HDAC4: variants seen among roughly 807,000 people sequenced by gnomAD.
HDAC4 encodes the protein histone deacetylase 4.
A neutral mutation model predicts 135.1 loss-of-function variants in HDAC4; 16 were observed. The ratio of observed to expected loss-of-function variants is 0.12; its 90% CI spans 0.08 to 0.18. The LOEUF (loss-of-function observed/expected upper bound fraction) is 0.18. Ranked by LOEUF, HDAC4 falls within the 10% of genes least tolerant of loss-of-function variation. The pLI, the probability that HDAC4 is intolerant of heterozygous loss-of-function variation, is 1.00. For missense variants in HDAC4, 1,143 were observed against 1,511.8 expected, an observed-to-expected ratio of 0.76 and a Z score of 4.05; for synonymous variants, 685 against 653.4, an observed-to-expected ratio of 1.05 and a Z score of -0.74.
chr2:239,117,232 T>C (rs1178856189), intron 12 of HDAC4, among the ~76,000 whole-genome samples: 2 of 152,148 alleles, frequency 1.3e-5, no homozygotes, highest in African/African-American at 2.4e-5. Flanking sequence ...GAGGTGGGGC[T>C]GTGGGAAGGG....
At position 239,307,425 on chromosome 2, in the gene HDAC4, C is replaced by A. The variant is rs546133079; in HGVS notation, c.22+45253G>T. ...GAGAGAGGGGCTTGAAGGATGGGTA[C>A]CCCAAGCTGTCAAAAGACCAAGTGG... On this transcript the variant is annotated intron_variant, in intron 2 of 26. Coordinates refer to ENST00000543185, the MANE Select transcript of HDAC4 (RefSeq NM_001378414.1). The surrounding 1 kb of genome is among the most constrained non-coding windows in gnomAD (Gnocchi z 4.8). Among the ~76,000 whole-genome samples, 14 of 152,226 alleles carry A rather than the reference C, an allele frequency of 9.2e-5. No homozygotes were observed. The East Asian group carries it at 2.5e-3, about 27-fold the overall frequency.
At chr2:239,159,691 AC>A (rs1413021268) in intron 6 of HDAC4, among the ~76,000 whole-genome samples, 1 of 150,892 alleles carries the variant, frequency 6.6e-6, no homozygotes, top group Admixed American at 6.6e-5. Flanking sequence ...ACTCACACTC[AC>A]CCCGGCCACA....
At chr2:239,234,850 C>T (rs754235037) in intron 3 of HDAC4, among the ~76,000 whole-genome samples, 2 of 152,126 alleles carry the variant, frequency 1.3e-5, no homozygotes, top group Non-Finnish European at 2.9e-5. Context: ...CACTTGGAAA[C>T]TATGCATATT....
rs959737949 is a variant in HDAC4, at chr2:239,349,509, C to A, written c.22+3169G>T. ...CAGGTGCATCAGCTGACAAGAAACACAGAGGAACTTCCCGAAACTAGAGAT... is the reference window on the plus strand; with the variant it reads ...CAGGTGCATCAGCTGACAAGAAACAAAGAGGAACTTCCCGAAACTAGAGAT... On this transcript the variant is annotated intron_variant, in intron 2 of 26. Transcript: ENST00000543185. This position sits in a 1 kb window ranked among gnomAD's most constrained non-coding sequence, Gnocchi z 5.7. Among the ~76,000 whole-genome samples the A allele has an allele frequency of 2.0e-5, 3 of 152,360 alleles. No individual in the cohort carries two copies. The East Asian group carries it at 5.8e-4, about 29-fold the overall frequency.
chr2:239,237,466 T>C (rs1182839390), intron 2 of HDAC4, among the ~76,000 whole-genome samples: 2 of 151,580 alleles, frequency 1.3e-5, no homozygotes, highest in African/African-American at 4.9e-5. Context: ...CACGCGGAGG[T>C]CATTTTCCTT....
intron 2 of HDAC4, among the ~76,000 whole-genome samples, chr2:239,278,687 T>C (rs2050532817): frequency 6.6e-6 from 1 of 152,130 alleles, no homozygotes; most frequent in Non-Finnish European, 1.5e-5. Flanking sequence ...ACAAAAAACA[T>C]GTTTTGTACC....
At chr2:239,360,794 G>A (rs1027912558) in intron 1 of HDAC4, among the ~76,000 whole-genome samples, 16 of 152,212 alleles carry the variant, frequency 1.1e-4, no homozygotes, top group Non-Finnish European at 2.2e-4. Context: ...CTCTCACCCT[G>A]GACCAGTTCC....
At chr2:239,264,566 C>G (rs903271548) in intron 2 of HDAC4, among the ~76,000 whole-genome samples, 39 of 152,222 alleles carry the variant, frequency 2.6e-4, no homozygotes, top group African/African-American at 8.2e-4. Context: ...AGCCGAGGCC[C>G]TCCTGATCCT....
chr2:239,272,731 C>T (rs2050124282), intron 2 of HDAC4, among the ~76,000 whole-genome samples: 1 of 152,226 alleles, frequency 6.6e-6, no homozygotes, highest in African/African-American at 2.4e-5. Context: ...CCAATGCACC[C>T]CTGCGCTGCT....
intron 12 of HDAC4, among the ~76,000 whole-genome samples, chr2:239,118,716 C>T (rs961885442): frequency 1.3e-5 from 2 of 152,178 alleles, no homozygotes; most frequent in Non-Finnish European, 2.9e-5. Flanking sequence ...GCTGTAAATA[C>T]ATGCGACTGT....
intron 12 of HDAC4, among the ~76,000 whole-genome samples, chr2:239,124,310 C>T (rs1209380421): frequency 2.6e-5 from 4 of 152,206 alleles, no homozygotes; most frequent in African/African-American, 9.6e-5. Context: ...CCCATCTGCC[C>T]GCAGCAGCCC....
chr2:239,134,339 C>T lies in HDAC4; in HGVS notation c.1200G>A (p.Ser400=), dbSNP rs149580896. The change falls in exon 11 of 27, where the codon TCG becomes TCA. Residue 400 remains serine (S), a synonymous_variant. Transcript: ENST00000543185. ...GTHLTPYLST[S]PLERDGGAAH... ...CTGCCCCTCCGTCCCGCTCCAAGGGCGAGGTGCTCAGGTAGGGAGTGAGGT... is the reference window on the plus strand; with the variant it reads ...CTGCCCCTCCGTCCCGCTCCAAGGGTGAGGTGCTCAGGTAGGGAGTGAGGT... The T allele has an allele frequency of 1.1e-3, 1,705 of 1,613,938 alleles. 9 individuals are homozygous for T. The East Asian group carries it at 0.014, about 14-fold the overall frequency.
At chr2:239,383,274 C>T (rs549218048) in intron 1 of HDAC4, among the ~76,000 whole-genome samples, 11 of 152,326 alleles carry the variant, frequency 7.2e-5, no homozygotes, top group Admixed American at 7.2e-4. Context: ...GAGGCCCTGG[C>T]ACTGCTCTGA....
intron 2 of HDAC4, among the ~76,000 whole-genome samples, chr2:239,266,917 C>A (rs2049768980): frequency 6.6e-6 from 1 of 152,178 alleles, no homozygotes; most frequent in Admixed American, 6.5e-5. Flanking sequence ...TCGTCTCCCC[C>A]AGCCCTAACC....
intron 3 of HDAC4, among the ~76,000 whole-genome samples, chr2:239,213,220 T>C (rs1016414707): frequency 2.7e-5 from 2 of 74,152 alleles, no homozygotes; most frequent in Non-Finnish European, 5.3e-5. Flanking sequence ...AACAGCAAAG[T>C]AGGGGCCAGG....
intron 11 of HDAC4, among the ~76,000 whole-genome samples, chr2:239,129,408 C>T (rs1338608044): frequency 2.6e-5 from 4 of 152,170 alleles, no homozygotes; most frequent in Non-Finnish European, 4.4e-5. Flanking sequence ...ATTCTGTGGT[C>T]GGTGACCCAG....
chr2:239,358,421 G>A (rs1201247702), intron 1 of HDAC4, among the ~76,000 whole-genome samples: 1 of 152,162 alleles, frequency 6.6e-6, no homozygotes, highest in Non-Finnish European at 1.5e-5. Flanking sequence ...TTGTTTTTGA[G>A]CATTTGCTTA....
intron 2 of HDAC4, among the ~76,000 whole-genome samples, chr2:239,336,882 T>C (rs1227611329): frequency 2.6e-5 from 4 of 152,236 alleles, no homozygotes; most frequent in African/African-American, 4.8e-5. Flanking sequence ...CAGGATCCCA[T>C]CCAGGAATTC....
intron 3 of HDAC4, among the ~76,000 whole-genome samples, chr2:239,196,574 C>T (rs555084687): frequency 2.6e-5 from 4 of 152,348 alleles, no homozygotes; most frequent in African/African-American, 9.6e-5. Context: ...AGTCTGCCGT[C>T]AGCTTCTGGG....
Sources: allele counts gnomAD v4.1 joint callset (sites outside exome capture counted in the v4.1 genomes callset), GRCh38; gene constraint gnomAD v4.1.1; non-coding constraint Gnocchi (gnomAD v3.1); transcripts MANE v1.5; gene names NCBI Gene and HGNC (gene_info 2026-07-23, HGNC 2026-07-21).